Variants in NBAS observed in about 807,000 individuals in gnomAD.
NBAS encodes NBAS subunit of NRZ tethering complex, also known as NAG/BC035112 fusion.
In NBAS, 219 loss-of-function variants were observed where a neutral mutation model predicts 302.5. That is an observed-to-expected ratio of 0.72 (90% confidence interval 0.65 to 0.81). The LOEUF is 0.81. NBAS is among the 30% of genes least tolerant of loss of function. The pLI, the probability that NBAS is intolerant of heterozygous loss-of-function variation, is 0.00. For missense variants in NBAS, 2,932 were observed against 2,841.6 expected, an observed-to-expected ratio of 1.03 and a Z score of -0.72; for synonymous variants, 1,118 against 1,021.6, an observed-to-expected ratio of 1.09 and a Z score of -1.80.
In NBAS at chr2:15,516,417, A is replaced by T. The variant is rs56806747; in HGVS notation, c.747-5067T>A. ...ATTAAGACATTCTCACTCAAATTTG[A>T]CCATATTAAAATTTAAAATTTCCAT... On this transcript the variant is annotated intron_variant, in intron 9 of 51. Transcript: ENST00000281513. Among the ~76,000 whole-genome samples, 722 of 152,158 alleles carry T rather than the reference A, an allele frequency of 4.7e-3. 8 individuals are homozygous for T. Among genetic ancestry groups the T allele is most frequent in the African/African-American group, 0.016 (671 of 41,504 alleles).
the NBAS span, among the ~76,000 whole-genome samples, chr2:15,036,418 A>G: frequency 6.6e-6 from 1 of 152,306 alleles, no homozygotes; most frequent in East Asian, 1.9e-4. Context: ...CCCATTTTAC[A>G]GTAGAAAGAC....
chr2:15,453,112 T>C (rs993508482), intron 21 of NBAS, among the ~76,000 whole-genome samples: 1 of 152,190 alleles, frequency 6.6e-6, no homozygotes, highest in Admixed American at 6.5e-5. Context: ...CTTCTTTACC[T>C]GATGACACTC....
chr2:15,311,817 AAC>A (rs1253147713), intron 38 of NBAS, among the ~76,000 whole-genome samples: 2 of 152,104 alleles, frequency 1.3e-5, no homozygotes, highest in Non-Finnish European at 2.9e-5. Context: ...GCCTAGTGCC[AAC>A]ACACAAACAA....
the NBAS span, among the ~76,000 whole-genome samples, chr2:15,110,951 A>G: frequency 6.6e-6 from 1 of 152,182 alleles, no homozygotes; most frequent in Admixed American, 6.5e-5. Context: ...ATAAGAAACA[A>G]TAACAATTAA....
At chr2:14,960,496 C>T in the NBAS span, among the ~76,000 whole-genome samples, 1 of 152,130 alleles carries the variant, frequency 6.6e-6, no homozygotes, top group Non-Finnish European at 1.5e-5. Flanking sequence ...CTCACAATAT[C>T]GCTGTGAGAC....
rs547391406 is a variant in NBAS at position 15,557,235 on chromosome 2, A to G, written c.173-416T>C. On this transcript the variant is annotated intron_variant, in intron 2 of 51. Coordinates refer to ENST00000281513, the MANE Select transcript of NBAS (RefSeq NM_015909.4). ...AAAGATTTTTAAAACAGTAATACCT[A>G]AAATGGGAAAGCCCACGGAAAACAA... is the stretch of plus-strand genomic sequence containing the variant. 2.6e-5 allele frequency among the ~76,000 whole-genome samples: 4 copies of G among 152,334 alleles called. No individual in the cohort carries two copies. In the East Asian group the frequency reaches 7.7e-4, roughly 29 times the overall value.
At chr2:15,074,533 A>G in the NBAS span, among the ~76,000 whole-genome samples, 85 of 152,210 alleles carry the variant, frequency 5.6e-4, no homozygotes, top group African/African-American at 1.9e-3. Context: ...AGAAGTCACA[A>G]AGAAATACAG....
At chr2:14,825,769 A>G in the NBAS span, among the ~76,000 whole-genome samples, 1 of 152,228 alleles carries the variant, frequency 6.6e-6, no homozygotes. Context: ...AGTTTAGATG[A>G]AGGAAACCCC....
At chr2:14,829,695 T>G in the NBAS span, among the ~76,000 whole-genome samples, 6 of 152,192 alleles carry the variant, frequency 3.9e-5, no homozygotes, top group African/African-American at 1.4e-4. Flanking sequence ...TACAGGATAC[T>G]GGAGCAAATA....
intron 35 of NBAS, among the ~76,000 whole-genome samples, chr2:15,348,549 C>G (rs535978042): frequency 6.6e-6 from 1 of 151,978 alleles, no homozygotes; most frequent in Non-Finnish European, 1.5e-5. Context: ...AAAGAACAAG[C>G]GGGTTCCAAA....
At chr2:15,294,616 C>G (rs563846476) in intron 40 of NBAS, among the ~76,000 whole-genome samples, 2 of 152,340 alleles carry the variant, frequency 1.3e-5, no homozygotes, top group East Asian at 1.9e-4. Context: ...CATGGGCCAG[C>G]TGGCCCATCT....
intron 12 of NBAS, among the ~76,000 whole-genome samples, chr2:15,479,756 G>T (rs1680345879): frequency 6.6e-6 from 1 of 152,166 alleles, no homozygotes; most frequent in Admixed American, 6.5e-5. Context: ...ACTCTTCCCT[G>T]CACACTGCTT....
chr2:15,258,385 T>C (rs1339525120), intron 44 of NBAS, among the ~76,000 whole-genome samples: 2 of 152,082 alleles, frequency 1.3e-5, no homozygotes, highest in Non-Finnish European at 2.9e-5. Context: ...TGACTGCCTG[T>C]GGGGTTGGGC....
intron 44 of NBAS, among the ~76,000 whole-genome samples, chr2:15,257,345 C>T (rs1668645853): frequency 6.6e-6 from 1 of 150,636 alleles, no homozygotes; most frequent in African/African-American, 2.4e-5. Context: ...CATAGTAGCT[C>T]TGAATGATCT....
chr2:15,110,742 G>A, the NBAS span, among the ~76,000 whole-genome samples: 1 of 152,130 alleles, frequency 6.6e-6, no homozygotes, highest in African/African-American at 2.4e-5. Context: ...GGAAAGGACA[G>A]TCAGTGACAA....
chr2:14,958,880 C>T, the NBAS span, among the ~76,000 whole-genome samples: 1 of 152,008 alleles, frequency 6.6e-6, no homozygotes, highest in Non-Finnish European at 1.5e-5. Flanking sequence ...GGATCTAGGG[C>T]ATTAGAAATC....
chr2:15,275,672 G>C lies in NBAS; in HGVS notation c.5536C>G (p.Leu1846Val). 12 of 1,614,214 alleles carry C rather than the reference G, an allele frequency of 7.4e-6. No individual in the cohort carries two copies. The highest frequency in any genetic ancestry group is 1.0e-5 in the Non-Finnish European group (12 of 1,180,040). The part of the protein sequence containing the change: ...KDGQMLSPSS[L>V]YTIWLQKLFW... The stretch of plus-strand genomic sequence containing the variant: ...AACTTCTGTAACCAGATGGTGTACA[G>C]AGAGCTTGGGGAAAGCATCTGTCCA... The change falls in exon 44 of 52, where the codon CTG (leucine) becomes GTG (valine). Residue 1846 changes from leucine to valine, a missense_variant. Leu to Val is a conservative substitution (Grantham distance 32, BLOSUM62 1). Coordinates refer to ENST00000281513, the MANE Select transcript of NBAS (RefSeq NM_015909.4).
At chr2:15,497,739 A>G (rs1681121583) in intron 11 of NBAS, among the ~76,000 whole-genome samples, 1 of 152,192 alleles carries the variant, frequency 6.6e-6, no homozygotes, top group Non-Finnish European at 1.5e-5. Flanking sequence ...AAATCTGAAA[A>G]TACTCATATT....
intron 21 of NBAS, among the ~76,000 whole-genome samples, chr2:15,431,090 C>T (rs540350395): frequency 5.9e-5 from 9 of 152,034 alleles, no homozygotes; most frequent in East Asian, 1.9e-4. Context: ...TACAGGCGTG[C>T]GCCACTGTGC....
Sources: gnomAD v4.1 joint callset for allele counts (sites outside exome capture counted in the v4.1 genomes callset) on GRCh38, gnomAD v4.1.1 for gene constraint, MANE v1.5 for transcripts, NCBI Gene and HGNC (gene_info 2026-07-23, HGNC 2026-07-21) for gene names.